Variants in PTPRT observed in about 807,000 individuals in gnomAD.
PTPRT encodes the protein protein tyrosine phosphatase receptor type T.
PTPRT carries 56 observed loss-of-function variants against 176.8 expected under a neutral mutation model. The observed-to-expected ratio is 0.32, with a 90% CI of 0.26 to 0.40. The LOEUF is 0.40. Ranked by LOEUF, PTPRT falls within the 10% of genes least tolerant of loss-of-function variation. The pLI is 1.00. For synonymous variants in PTPRT, 783 were observed against 739.0 expected (o/e 1.06, Z -0.96); for missense variants, 1,540 against 1,908.2 (o/e 0.81, Z 3.60).
At chr20:43,122,631 A>C (rs75539924) in intron 1 of PTPRT, among the ~76,000 whole-genome samples, 3,578 of 152,168 alleles carry the variant, frequency 0.024, 159 homozygotes, top group African/African-American at 0.081. Context: ...TGGTTGTTTT[A>C]AAAGTGCCTT....
At chr20:42,629,348 T>C (rs1319824833) in intron 7 of PTPRT, among the ~76,000 whole-genome samples, 1 of 152,172 alleles carries the variant, frequency 6.6e-6, no homozygotes, top group East Asian at 1.9e-4. Context: ...CAAAGATCAG[T>C]CAACTGCATT....
chr20:42,295,989 G>C (rs965511734), intron 12 of PTPRT, among the ~76,000 whole-genome samples: 1 of 152,232 alleles, frequency 6.6e-6, no homozygotes, highest in Non-Finnish European at 1.5e-5. Flanking sequence ...ATGTGGAACT[G>C]TGAGTCAAAC....
At chr20:42,219,168 C>T (rs942897903) in intron 15 of PTPRT, among the ~76,000 whole-genome samples, 4 of 152,212 alleles carry the variant, frequency 2.6e-5, no homozygotes, top group Middle Eastern at 3.4e-3. Context: ...GATGACGGGT[C>T]CCTGCACCAG....
rs73909234 is a variant in PTPRT, at chr20:42,216,050, C to T, written c.2343-16662G>A. On this transcript the variant is annotated intron_variant, in intron 15 of 30. Coordinates refer to ENST00000373187, the MANE Select transcript of PTPRT (RefSeq NM_007050.6). ...ATCCCAAGCAACCGCTTCCAAGCAG[C>T]GTCTCCTGGTTGCTGAGGCTTTATG... Among the ~76,000 whole-genome samples, 646 of 152,322 alleles carry T rather than the reference C, an allele frequency of 4.2e-3. 5 individuals are homozygous for T. Among genetic ancestry groups the T allele is most frequent in the African/African-American group, 0.015 (604 of 41,578 alleles).
intron 6 of PTPRT, among the ~76,000 whole-genome samples, chr20:42,752,698 C>CT (rs1360974573): frequency 1.3e-5 from 2 of 152,160 alleles, no homozygotes; most frequent in African/African-American, 4.8e-5. Flanking sequence ...AGGATTAATG[C>CT]TTTTCCCTTG....
At chr20:42,824,210 T>C (rs2077951376) in intron 2 of PTPRT, among the ~76,000 whole-genome samples, 1 of 152,150 alleles carries the variant, frequency 6.6e-6, no homozygotes, top group South Asian at 2.1e-4. Flanking sequence ...ATTTGAGCAA[T>C]ATTTTCAATT....
chr20:42,184,667 GC>G (rs1364977184), intron 16 of PTPRT, among the ~76,000 whole-genome samples: 1 of 146,470 alleles, frequency 6.8e-6, no homozygotes, highest in Non-Finnish European at 1.5e-5. Context: ...TCACTCTGTT[GC>G]CCAGGTTGGA....
At chr20:42,939,623 T>C (rs1229225149) in intron 1 of PTPRT, among the ~76,000 whole-genome samples, 1 of 152,186 alleles carries the variant, frequency 6.6e-6, no homozygotes, top group Non-Finnish European at 1.5e-5. Flanking sequence ...ACTTGAAACT[T>C]ACTAGTTTCA....
At chr20:43,085,855 A>G (rs371549138) in intron 1 of PTPRT, among the ~76,000 whole-genome samples, 1 of 152,134 alleles carries the variant, frequency 6.6e-6, no homozygotes, top group Non-Finnish European at 1.5e-5. Context: ...TAAGCTTACA[A>G]TCTAAGAACA....
chr20:42,115,604 G>A (rs1987235805), intron 21 of PTPRT, among the ~76,000 whole-genome samples: 1 of 152,206 alleles, frequency 6.6e-6, no homozygotes, highest in African/African-American at 2.4e-5. Flanking sequence ...TCATCAAATA[G>A]AACAAGGTGA....
chr20:42,717,207 T>C (rs1330013360), intron 6 of PTPRT, among the ~76,000 whole-genome samples: 3 of 143,426 alleles, frequency 2.1e-5, no homozygotes, highest in African/African-American at 7.8e-5. Context: ...ATAATAATAA[T>C]AATAATAAAA....
intron 1 of PTPRT, among the ~76,000 whole-genome samples, chr20:43,081,825 G>C (rs1450042840): frequency 6.6e-6 from 1 of 151,934 alleles, no homozygotes; most frequent in African/African-American, 2.4e-5. Context: ...TTTTTTCCCA[G>C]TTTGTTCTGT....
At chr20:42,623,576 C>T (rs1280879281) in intron 7 of PTPRT, among the ~76,000 whole-genome samples, 1 of 152,174 alleles carries the variant, frequency 6.6e-6, no homozygotes, top group Non-Finnish European at 1.5e-5. Context: ...GTGCTTATTC[C>T]ATCTCCATGT....
intron 7 of PTPRT, among the ~76,000 whole-genome samples, chr20:42,629,646 G>T (rs182328265): frequency 6.6e-6 from 1 of 152,264 alleles, no homozygotes; most frequent in African/African-American, 2.4e-5. Context: ...TCCTAAGATG[G>T]TCTGCTTGGT....
chr20:42,524,900 T>G (rs181274446), intron 7 of PTPRT, among the ~76,000 whole-genome samples: 1 of 152,346 alleles, frequency 6.6e-6, no homozygotes, highest in African/African-American at 2.4e-5. Flanking sequence ...TCCTTCATAA[T>G]ATGTCTGCTG....
At chr20:42,955,506 A>G (rs1981571376) in intron 1 of PTPRT, among the ~76,000 whole-genome samples, 1 of 152,194 alleles carries the variant, frequency 6.6e-6, no homozygotes, top group Non-Finnish European at 1.5e-5. Context: ...CCCAAGAATA[A>G]GCCTCAATTG....
intron 9 of PTPRT, among the ~76,000 whole-genome samples, chr20:42,417,349 A>G (rs896642596): frequency 1.3e-5 from 2 of 152,014 alleles, no homozygotes; most frequent in Non-Finnish European, 2.9e-5. Context: ...GCCTCCTGCC[A>G]TTCTCTTCCC....
chr20:43,066,701 G>A (rs1297790213), intron 1 of PTPRT, among the ~76,000 whole-genome samples: 1 of 152,196 alleles, frequency 6.6e-6, no homozygotes, highest in Non-Finnish European at 1.5e-5. Flanking sequence ...ACGGAGTGGT[G>A]GAAGGGTAGG....
chr20:42,266,161 G>T (rs1354519690), intron 13 of PTPRT, among the ~76,000 whole-genome samples: 1 of 152,170 alleles, frequency 6.6e-6, no homozygotes, highest in Non-Finnish European at 1.5e-5. Flanking sequence ...CACAAATGAA[G>T]AAGGTGAGGC....
Sources: allele counts gnomAD v4.1 joint callset (sites outside exome capture counted in the v4.1 genomes callset), GRCh38; gene constraint gnomAD v4.1.1; transcripts MANE v1.5; gene names NCBI Gene and HGNC (gene_info 2026-07-23, HGNC 2026-07-21).